HTR2C: variants seen among roughly 807,000 people sequenced by gnomAD.
HTR2C encodes the protein 5-hydroxytryptamine receptor 2C.
HTR2C carries 5 observed loss-of-function variants against 21.0 expected under a neutral mutation model. That is an observed-to-expected ratio of 0.24 (90% confidence interval 0.12 to 0.50). The LOEUF is 0.50. Ranked by LOEUF, HTR2C falls within the 20% of genes least tolerant of loss-of-function variation. HTR2C has a pLI of 0.98. For synonymous variants in HTR2C, 150 were observed against 145.3 expected (o/e 1.03, Z -0.23); for missense variants, 271 against 371.2 (o/e 0.73, Z 2.22).
chrX:114,896,705 A>G (rs1556484160), intron 5 of HTR2C, among the ~76,000 whole-genome samples: 1 of 111,902 alleles, frequency 8.9e-6, no homozygotes, highest in Non-Finnish European at 1.9e-5. Context: ...ATTTTCCATA[A>G]TTTCTAACTT....
chrX:114,815,855 T>G (rs1377804307), intron 4 of HTR2C, among the ~76,000 whole-genome samples: 1 of 111,454 alleles, frequency 9.0e-6, no homozygotes, highest in Non-Finnish European at 1.9e-5. Flanking sequence ...GTGATCAGTT[T>G]TCTGCTTCTC....
intron 1 of HTR2C, among the ~76,000 whole-genome samples, chrX:114,594,660 AAG>A (rs781968891): frequency 1.1e-4 from 12 of 111,904 alleles, no homozygotes; most frequent in Non-Finnish European, 1.9e-4. Flanking sequence ...AGGCTTCAGA[AAG>A]AGAGATTACA....
At position 114,908,728 on chromosome X, in the gene HTR2C, G is replaced by T. The variant is rs201725399; in HGVS notation, c.*1313G>T. ...AATATAGTGTTGTGTTACAATAAGTGTTGGCCATCATTTCATTCGTGGGCC... is the reference window on the plus strand; with the variant it reads ...AATATAGTGTTGTGTTACAATAAGTTTTGGCCATCATTTCATTCGTGGGCC... On this transcript the variant is annotated 3_prime_UTR_variant, in exon 6 of 6. Transcript: ENST00000276198. 6 of 112,509 alleles carry T rather than the reference G, an allele frequency of 5.3e-5. No individual in the cohort carries two copies. Among genetic ancestry groups the T allele is most frequent in the Non-Finnish European group, 1.1e-4 (6 of 53,251 alleles). The allele number at this position is 112,509 out of a possible 1,213,427, so 9.3% of individuals were successfully genotyped here. A position where few individuals can be genotyped will look rare whatever the true frequency, so the allele number is the denominator to read the frequency against.
Position 114,726,985 on chromosome X carries a change from T to C in HTR2C, c.35+14T>C. The C allele has an allele frequency of 4.9e-6, 5 of 1,021,425 alleles. No homozygotes were observed. The highest frequency in any genetic ancestry group is 2.6e-4 in the Middle Eastern group (1 of 3,870). The allele number at this position is 1,021,425 out of a possible 1,213,427, so 84.2% of individuals were successfully genotyped here. A position where few individuals can be genotyped will look rare whatever the true frequency, so the allele number is the denominator to read the frequency against. The stretch of plus-strand genomic sequence containing the variant: ...GCATTCATTCCTGTAAGGATGTTAC[T>C]ACTTATTATTTTAGTAAAAAGATAA... On this transcript the variant is annotated intron_variant, in intron 3 of 5. Transcript: ENST00000276198.
intron 1 of HTR2C, among the ~76,000 whole-genome samples, chrX:114,585,560 A>G (rs1202807186): frequency 1.8e-5 from 2 of 111,117 alleles, no homozygotes; most frequent in Non-Finnish European, 3.8e-5. Flanking sequence ...AAAGTTCGTC[A>G]TTGCAAAACG....
chrX:114,669,092 GT>G (rs1294925345), intron 2 of HTR2C, among the ~76,000 whole-genome samples: 9 of 105,392 alleles, frequency 8.5e-5, no homozygotes, highest in East Asian at 3.0e-4. Flanking sequence ...ACTTGTGTCA[GT>G]TTTTTTTTTA....
At chrX:114,669,209 G>A (rs1177876797) in intron 2 of HTR2C, among the ~76,000 whole-genome samples, 1 of 110,967 alleles carries the variant, frequency 9.0e-6, no homozygotes, top group African/African-American at 3.3e-5. Flanking sequence ...ACTGAAAAAA[G>A]GATAGCAATC....
chrX:114,790,825 C>A (rs1034764702), intron 4 of HTR2C, among the ~76,000 whole-genome samples: 1 of 111,503 alleles, frequency 9.0e-6, no homozygotes, highest in African/African-American at 3.3e-5. Context: ...TTGCCCATTT[C>A]TTCTTATTCA....
At chrX:114,866,747 T>C (rs1223886321) in intron 5 of HTR2C, among the ~76,000 whole-genome samples, 3 of 111,281 alleles carry the variant, frequency 2.7e-5, no homozygotes, top group Non-Finnish European at 3.8e-5. Flanking sequence ...AGTGAGAACA[T>C]GTGATGTTTG....
At chrX:114,588,046 A>G (rs1022536815) in intron 1 of HTR2C, among the ~76,000 whole-genome samples, 2 of 112,183 alleles carry the variant, frequency 1.8e-5, no homozygotes, top group Non-Finnish European at 1.9e-5. Context: ...CTCTACTTCA[A>G]CCTCGCTATT....
chrX:114,857,672 C>T (rs1602884694), intron 5 of HTR2C, among the ~76,000 whole-genome samples: 1 of 111,214 alleles, frequency 9.0e-6, no homozygotes, highest in Non-Finnish European at 1.9e-5. Flanking sequence ...CCAATCTGTG[C>T]ATGACCTTAC....
At chrX:114,685,118 T>A (rs975472074) in intron 2 of HTR2C, among the ~76,000 whole-genome samples, 1 of 111,642 alleles carries the variant, frequency 9.0e-6, no homozygotes, top group African/African-American at 3.2e-5. Flanking sequence ...TCATCATGTT[T>A]AAAAATATTT....
intron 5 of HTR2C, among the ~76,000 whole-genome samples, chrX:114,888,569 T>C (rs1397726901): frequency 3.6e-5 from 4 of 111,914 alleles, no homozygotes; most frequent in Non-Finnish European, 7.5e-5. Context: ...ACCTTGTGCA[T>C]TAGCTCTACC....
intron 4 of HTR2C, among the ~76,000 whole-genome samples, chrX:114,795,846 C>T (rs983490238): frequency 1.1e-4 from 12 of 111,217 alleles, no homozygotes; most frequent in African/African-American, 2.0e-4. Context: ...CCTGGATCTA[C>T]GTCAAACAGA....
intron 4 of HTR2C, among the ~76,000 whole-genome samples, chrX:114,819,252 A>G (rs1406874175): frequency 2.7e-5 from 3 of 112,374 alleles, no homozygotes; most frequent in Non-Finnish European, 5.6e-5. Context: ...TGTTCTAATC[A>G]TACTAGCAAG....
chrX:114,624,074 A>G (rs1929282722), intron 2 of HTR2C, among the ~76,000 whole-genome samples: 1 of 107,687 alleles, frequency 9.3e-6, no homozygotes, highest in Admixed American at 1.0e-4. Flanking sequence ...ACACCTGGCT[A>G]AGTTTTTTGT....
intron 2 of HTR2C, among the ~76,000 whole-genome samples, chrX:114,701,989 G>A (rs1932528007): frequency 9.0e-6 from 1 of 110,625 alleles, no homozygotes; most frequent in African/African-American, 3.3e-5. Context: ...ATGAAATGAA[G>A]TGAGAAGGGA....
chrX:114,691,356 TATC>T (rs1254666715), intron 2 of HTR2C, among the ~76,000 whole-genome samples: 1 of 111,563 alleles, frequency 9.0e-6, no homozygotes, highest in Non-Finnish European at 1.9e-5. Context: ...GAAGCCCACT[TATC>T]ATAGAAGTCA....
intron 4 of HTR2C, among the ~76,000 whole-genome samples, chrX:114,794,517 C>G (rs868928346): frequency 7.4e-4 from 44 of 59,362 alleles, no homozygotes; most frequent in African/African-American, 2.8e-3. Context: ...CTAATGCTAT[C>G]CCTCCCCCCT....
Sources: gnomAD v4.1 joint callset for allele counts (sites outside exome capture counted in the v4.1 genomes callset) on GRCh38, gnomAD v4.1.1 for gene constraint, MANE v1.5 for transcripts, NCBI Gene and HGNC (gene_info 2026-07-23, HGNC 2026-07-21) for gene names.